WWOX: variants seen among roughly 807,000 people sequenced by gnomAD.
The protein encoded by WWOX is WW domain containing oxidoreductase.
A neutral mutation model predicts 46.2 loss-of-function variants in WWOX; 69 were observed. That is an observed-to-expected ratio of 1.49 (90% CI 1.23 to 1.82). The LOEUF is 1.82. Among genes scored for constraint, WWOX ranks in the 40% most tolerant of loss-of-function variants. The pLI is 0.00. For synonymous variants in WWOX, 359 were observed against 202.6 expected, an observed-to-expected ratio of 1.77 and a Z score of -6.56; for missense variants, 919 against 542.6, an observed-to-expected ratio of 1.69 and a Z score of -6.89.
chr16:78,614,569 A>G (rs368347675), intron 8 of WWOX, among the ~76,000 whole-genome samples: 32 of 152,286 alleles, frequency 2.1e-4, no homozygotes, highest in African/African-American at 7.5e-4. Context: ...TGTTGATGCC[A>G]TTCTCTTAAT....
intron 8 of WWOX, among the ~76,000 whole-genome samples, chr16:78,783,802 A>G (rs1400367712): frequency 6.6e-6 from 1 of 151,674 alleles, no homozygotes; most frequent in Non-Finnish European, 1.5e-5. Context: ...TAGGAGGGTG[A>G]TGGTGATGAT....
intron 8 of WWOX, among the ~76,000 whole-genome samples, chr16:78,580,075 ATTT>A (rs397753314): frequency 7.0e-6 from 1 of 143,716 alleles, no homozygotes. Context: ...GACAGAGGAA[ATTT>A]TTTTTTTTTT....
chr16:78,990,451 C>T (rs1034136679), intron 8 of WWOX, among the ~76,000 whole-genome samples: 14 of 152,042 alleles, frequency 9.2e-5, no homozygotes, highest in African/African-American at 3.4e-4. Flanking sequence ...TTCCAGAGTC[C>T]GGAGCTACTA....
intron 8 of WWOX, among the ~76,000 whole-genome samples, chr16:79,151,812 C>G (rs1332293817): frequency 1.3e-5 from 2 of 152,168 alleles, no homozygotes; most frequent in African/African-American, 4.8e-5. Flanking sequence ...AAATCCATGG[C>G]CTCCAGCCCC....
intron 4 of WWOX, chr16:78,123,958 T>C (rs1190898682): frequency 1.3e-5 from 2 of 152,188 alleles, no homozygotes; most frequent in Non-Finnish European, 2.9e-5. Flanking sequence ...GTGAAGCAGA[T>C]AGCCAGTGTT....
At chr16:78,411,719 G>A (rs548081635) in intron 6 of WWOX, among the ~76,000 whole-genome samples, 2 of 152,330 alleles carry the variant, frequency 1.3e-5, no homozygotes, top group South Asian at 4.1e-4. Flanking sequence ...GTGGGAGAAT[G>A]TAGAGGTGAC....
chr16:79,031,290 T>C (rs1476474526), intron 8 of WWOX, among the ~76,000 whole-genome samples: 1 of 152,068 alleles, frequency 6.6e-6, no homozygotes, highest in African/African-American at 2.4e-5. Flanking sequence ...GGTGGGTGAC[T>C]CCCTGGGGAG....
intron 8 of WWOX, among the ~76,000 whole-genome samples, chr16:78,970,707 C>A (rs1471754683): frequency 6.6e-6 from 1 of 152,004 alleles, no homozygotes; most frequent in East Asian, 1.9e-4. Flanking sequence ...ATAGGAGGAG[C>A]CATGTGTAGA....
chr16:78,595,048 A>T (rs2045454288), intron 8 of WWOX, among the ~76,000 whole-genome samples: 1 of 152,196 alleles, frequency 6.6e-6, no homozygotes, highest in Admixed American at 6.5e-5. Context: ...GCACTTTGTC[A>T]AGAGGCTTGG....
At chr16:78,908,132 T>C (rs1015909058) in intron 8 of WWOX, among the ~76,000 whole-genome samples, 31 of 152,318 alleles carry the variant, frequency 2.0e-4, no homozygotes, top group African/African-American at 7.0e-4. Context: ...CAGGATTCTA[T>C]GGCCAAGTGT....
intron 8 of WWOX, among the ~76,000 whole-genome samples, chr16:78,757,263 C>G (rs193279477): frequency 1.5e-4 from 23 of 152,328 alleles, no homozygotes; most frequent in Admixed American, 1.4e-3. Context: ...TTCAAAGAGT[C>G]TAAACCATTA....
chr16:78,246,539 A>G (rs1167801869), intron 5 of WWOX, among the ~76,000 whole-genome samples: 1 of 152,246 alleles, frequency 6.6e-6, no homozygotes, highest in Non-Finnish European at 1.5e-5. Flanking sequence ...GAATGGTTCC[A>G]TCAATCACTG....
chr16:78,314,475 G>T (rs899166760), intron 5 of WWOX, among the ~76,000 whole-genome samples: 10 of 147,758 alleles, frequency 6.8e-5, no homozygotes, highest in African/African-American at 2.5e-4. Context: ...CTGCCAGTAC[G>T]TTACAGCAAC....
chr16:78,692,041 C>A (rs1205043032), intron 8 of WWOX, among the ~76,000 whole-genome samples: 1 of 152,182 alleles, frequency 6.6e-6, no homozygotes, highest in Non-Finnish European at 1.5e-5. Flanking sequence ...CTTTTGCCTA[C>A]CACCATGTTT....
chr16:79,143,708 T>C (rs908336773), intron 8 of WWOX, among the ~76,000 whole-genome samples: 5 of 152,152 alleles, frequency 3.3e-5, no homozygotes, highest in African/African-American at 4.8e-5. Flanking sequence ...TTGAACCTTA[T>C]AGCAGCCCTG....
At chr16:78,194,353 C>T (rs771282537) in intron 5 of WWOX, among the ~76,000 whole-genome samples, 25 of 151,002 alleles carry the variant, frequency 1.7e-4, no homozygotes, top group Non-Finnish European at 3.5e-4. Flanking sequence ...TTTGGGAGGC[C>T]GAGGCGGGTG....
At chr16:79,187,822 G>A (rs368238361) in intron 8 of WWOX, among the ~76,000 whole-genome samples, 12 of 152,302 alleles carry the variant, frequency 7.9e-5, no homozygotes, top group Non-Finnish European at 1.3e-4. Flanking sequence ...GATTACAGGC[G>A]TGAGCCACCA....
intron 8 of WWOX, among the ~76,000 whole-genome samples, chr16:78,439,407 C>CT (rs2083399927): frequency 6.6e-6 from 1 of 152,322 alleles, no homozygotes; most frequent in South Asian, 2.1e-4. Context: ...TCTTACACCA[C>CT]TGAGGCCACC....
At chr16:78,479,355 G>A (rs2084433344) in intron 8 of WWOX, among the ~76,000 whole-genome samples, 1 of 152,190 alleles carries the variant, frequency 6.6e-6, no homozygotes, top group South Asian at 2.1e-4. Flanking sequence ...TTTGATAGAA[G>A]CAAAGACCTA....
Sources: allele counts gnomAD v4.1 joint callset (sites outside exome capture counted in the v4.1 genomes callset), GRCh38; gene constraint gnomAD v4.1.1; transcripts MANE v1.5; gene names NCBI Gene and HGNC (gene_info 2026-07-23, HGNC 2026-07-21).